FRMD4A: variants seen among roughly 807,000 people sequenced by gnomAD.
FRMD4A encodes FERM domain containing 4A, also known as FERM domain-containing protein 4A.
FRMD4A carries 29 observed loss-of-function variants against 129.1 expected under a neutral mutation model. The ratio of observed to expected loss-of-function variants is 0.22; its 90% CI spans 0.17 to 0.31. FRMD4A has a LOEUF of 0.31. Among genes scored for constraint, FRMD4A ranks in the 10% least tolerant of loss-of-function variants. The pLI, the probability that FRMD4A is intolerant of heterozygous loss-of-function variation, is 1.00. For synonymous variants in FRMD4A, 634 were observed against 571.6 expected (o/e 1.11, Z -1.56); for missense variants, 1,272 against 1,375.8 (o/e 0.92, Z 1.19).
chr10:14,066,923 T>C (rs1588900739), intron 2 of FRMD4A, among the ~76,000 whole-genome samples: 1 of 152,230 alleles, frequency 6.6e-6, no homozygotes, highest in East Asian at 1.9e-4. Context: ...TCATGAGGTA[T>C]TATCAGTAGA....
At chr10:13,746,995 A>G (rs758049378) in intron 9 of FRMD4A, among the ~76,000 whole-genome samples, 3 of 152,088 alleles carry the variant, frequency 2.0e-5, no homozygotes, top group Non-Finnish European at 4.4e-5. Flanking sequence ...GGAAAATAAA[A>G]CAATCAATCT....
intron 2 of FRMD4A, among the ~76,000 whole-genome samples, chr10:14,147,157 T>A (rs941558379): frequency 6.6e-6 from 1 of 152,170 alleles, no homozygotes; most frequent in Non-Finnish European, 1.5e-5. Flanking sequence ...ACATTTTCCT[T>A]TTCTTATGCC....
intron 2 of FRMD4A, among the ~76,000 whole-genome samples, chr10:14,143,406 C>G (rs147144928): frequency 9.0e-4 from 137 of 152,312 alleles, no homozygotes; most frequent in African/African-American, 3.1e-3. Context: ...TATGATTCCT[C>G]TTAAATAAGT....
chr10:14,070,698 A>G (rs567903562), intron 2 of FRMD4A, among the ~76,000 whole-genome samples: 1 of 152,340 alleles, frequency 6.6e-6, no homozygotes, highest in African/African-American at 2.4e-5. Context: ...TAACCACAAT[A>G]GATGTTTATT....
intron 8 of FRMD4A, among the ~76,000 whole-genome samples, chr10:13,750,149 A>AAAGAAAGAAAGAAAGAAAGAAAGAAAGG (rs1564739697): frequency 6.7e-6 from 1 of 148,854 alleles, no homozygotes. Context: ...AGAAAGAAAG[A>AAAGAAAGAAAGAAAGAAAGAAAGAAAGG]AAAGAGAGAA....
chr10:13,877,834 C>T (rs564818477), intron 2 of FRMD4A, among the ~76,000 whole-genome samples: 9 of 152,296 alleles, frequency 5.9e-5, no homozygotes, highest in Admixed American at 5.9e-4. Flanking sequence ...GGAGATCTGC[C>T]CCTGGGCGCC....
intron 21 of FRMD4A, among the ~76,000 whole-genome samples, chr10:13,657,969 C>T (rs922606779): frequency 1.3e-5 from 2 of 151,462 alleles, no homozygotes; most frequent in Non-Finnish European, 2.9e-5. Flanking sequence ...TGTAAGACCT[C>T]ATCTCTTACA....
intron 2 of FRMD4A, among the ~76,000 whole-genome samples, chr10:13,962,227 T>C (rs1309742117): frequency 6.6e-6 from 1 of 152,186 alleles, no homozygotes; most frequent in Non-Finnish European, 1.5e-5. Context: ...AGAACAAATG[T>C]CTAAAGTGTG....
intron 2 of FRMD4A, among the ~76,000 whole-genome samples, chr10:14,170,889 C>A (rs946832648): frequency 6.6e-6 from 1 of 151,756 alleles, no homozygotes; most frequent in Non-Finnish European, 1.5e-5. Flanking sequence ...GCCACAGTTT[C>A]TTCAGATTAC....
At chr10:14,211,109 C>A (rs1361253091) in intron 2 of FRMD4A, among the ~76,000 whole-genome samples, 1 of 152,070 alleles carries the variant, frequency 6.6e-6, no homozygotes, top group Non-Finnish European at 1.5e-5. Context: ...TTCCTATCCC[C>A]CCATCTCACT....
chr10:13,691,549 G>C (rs952976337), intron 15 of FRMD4A, among the ~76,000 whole-genome samples: 1 of 152,134 alleles, frequency 6.6e-6, no homozygotes, highest in East Asian at 1.9e-4. Flanking sequence ...CAATTAAAGC[G>C]ACTAGACCAG....
chr10:13,795,456 G>A (rs112266615), intron 5 of FRMD4A, among the ~76,000 whole-genome samples: 2 of 152,222 alleles, frequency 1.3e-5, no homozygotes, highest in Non-Finnish European at 2.9e-5. Context: ...TTTAACTCTT[G>A]TTTGAAGCCC....
intron 12 of FRMD4A, among the ~76,000 whole-genome samples, chr10:13,708,457 T>C (rs1282994426): frequency 6.6e-6 from 1 of 152,250 alleles, no homozygotes; most frequent in African/African-American, 2.4e-5. Context: ...TTTACAATTA[T>C]TTTGTCTGCG....
At chr10:14,306,434 A>G (rs2132097990) in intron 2 of FRMD4A, among the ~76,000 whole-genome samples, 1 of 152,356 alleles carries the variant, frequency 6.6e-6, no homozygotes, top group East Asian at 1.9e-4. Context: ...TAGTAACCAG[A>G]TAATGCTTAT....
At chr10:13,650,777 T>C (rs2081513037) in intron 24 of FRMD4A, among the ~76,000 whole-genome samples, 1 of 152,174 alleles carries the variant, frequency 6.6e-6, no homozygotes, top group Non-Finnish European at 1.5e-5. Flanking sequence ...TAACCACCCC[T>C]CACCCTTATC....
At chr10:14,165,142 A>C (rs7087670) in intron 2 of FRMD4A, among the ~76,000 whole-genome samples, 11,878 of 152,274 alleles carry the variant, frequency 0.078, 645 homozygotes, top group African/African-American at 0.15. Flanking sequence ...AGAATCCATA[A>C]AGGACTTAAA....
At chr10:14,022,969 A>T (rs2447033) in intron 2 of FRMD4A, among the ~76,000 whole-genome samples, 1 of 152,122 alleles carries the variant, frequency 6.6e-6, no homozygotes, top group African/African-American at 2.4e-5. Flanking sequence ...TCACACCAAC[A>T]CTTTGGCATG....
At chr10:14,136,561 G>T (rs1047462476) in intron 2 of FRMD4A, among the ~76,000 whole-genome samples, 1 of 151,924 alleles carries the variant, frequency 6.6e-6, no homozygotes, top group Admixed American at 6.6e-5. Flanking sequence ...AACCCCACTC[G>T]TCTCATATGT....
chr10:13,836,623 G>A (rs2093877955), intron 3 of FRMD4A, among the ~76,000 whole-genome samples: 1 of 152,030 alleles, frequency 6.6e-6, no homozygotes, highest in African/African-American at 2.4e-5. Context: ...TCGGGTCCTT[G>A]TTCCTCCACA....
Sources: gnomAD v4.1 joint callset for allele counts (sites outside exome capture counted in the v4.1 genomes callset) on GRCh38, gnomAD v4.1.1 for gene constraint, MANE v1.5 for transcripts, NCBI Gene and HGNC (gene_info 2026-07-23, HGNC 2026-07-21) for gene names.